The following WWOX variants were observed in gnomAD, a reference collection of about 807,000 sequenced individuals.
The protein encoded by WWOX is WW domain containing oxidoreductase.
In WWOX, 69 loss-of-function variants were observed where a neutral mutation model predicts 46.2. The observed-to-expected ratio is 1.49, with a 90% CI of 1.23 to 1.82. WWOX has a LOEUF of 1.82. Ranked by LOEUF, WWOX falls within the 40% of genes most tolerant of loss-of-function variation. WWOX has a pLI of 0.00. For synonymous variants in WWOX, 359 were observed against 202.6 expected, an observed-to-expected ratio of 1.77 and a Z score of -6.56; for missense variants, 919 against 542.6, an observed-to-expected ratio of 1.69 and a Z score of -6.89.
At chr16:78,137,374 T>C (rs900986329) in intron 4 of WWOX, among the ~76,000 whole-genome samples, 1 of 152,178 alleles carries the variant, frequency 6.6e-6, no homozygotes, top group African/African-American at 2.4e-5. Flanking sequence ...CCCCGGAGTC[T>C]CAGTTTCCTC....
chr16:78,330,884 T>A (rs373303055), intron 5 of WWOX, among the ~76,000 whole-genome samples: 1 of 152,258 alleles, frequency 6.6e-6, no homozygotes, highest in Non-Finnish European at 1.5e-5. Context: ...TGAGATGATA[T>A]GCATGTTCTT....
intron 4 of WWOX, among the ~76,000 whole-genome samples, chr16:78,138,681 A>G (rs1274102390): frequency 6.6e-6 from 1 of 152,206 alleles, no homozygotes; most frequent in Non-Finnish European, 1.5e-5. Flanking sequence ...CCACCCTGAG[A>G]AGTCACCAGG....
intron 8 of WWOX, among the ~76,000 whole-genome samples, chr16:78,862,201 T>TA (rs1491171509): frequency 5.9e-5 from 9 of 151,850 alleles, no homozygotes; most frequent in African/African-American, 2.2e-4. Flanking sequence ...TGTCTGTATC[T>TA]TTACACACCT....
chr16:78,316,631 C>T (rs978864979), intron 5 of WWOX, among the ~76,000 whole-genome samples: 1 of 152,068 alleles, frequency 6.6e-6, no homozygotes. Flanking sequence ...GCCTGAGCCA[C>T]GGTGCCTGGC....
intron 8 of WWOX, among the ~76,000 whole-genome samples, chr16:78,744,683 C>T (rs138332519): frequency 2.6e-5 from 4 of 152,100 alleles, no homozygotes; most frequent in Admixed American, 6.6e-5. Flanking sequence ...CCACCTGCCT[C>T]GGCCTCCCAA....
At chr16:78,988,557 C>G (rs2046825239) in intron 8 of WWOX, among the ~76,000 whole-genome samples, 1 of 151,922 alleles carries the variant, frequency 6.6e-6, no homozygotes, top group Non-Finnish European at 1.5e-5. Context: ...AGGAGAGGTC[C>G]CAGCGGAATA....
intron 8 of WWOX, among the ~76,000 whole-genome samples, chr16:78,704,857 T>C (rs1208006086): frequency 6.6e-6 from 1 of 152,112 alleles, no homozygotes; most frequent in Non-Finnish European, 1.5e-5. Flanking sequence ...GTGGCTTCTT[T>C]TGTGGGCCAC....
intron 8 of WWOX, chr16:78,891,987 T>C (rs984717606): frequency 6.6e-6 from 1 of 152,204 alleles, no homozygotes; most frequent in East Asian, 1.9e-4. Flanking sequence ...TAACCTAGGA[T>C]ATTTAAGCTG....
intron 8 of WWOX, among the ~76,000 whole-genome samples, chr16:78,848,747 C>G (rs1286763517): frequency 6.6e-6 from 1 of 152,022 alleles, no homozygotes; most frequent in Non-Finnish European, 1.5e-5. Context: ...ACCACCAGTT[C>G]TCAATGCCAT....
chr16:78,751,342 A>G (rs1021782453), intron 8 of WWOX, among the ~76,000 whole-genome samples: 1 of 150,460 alleles, frequency 6.6e-6, no homozygotes, highest in Non-Finnish European at 1.5e-5. Context: ...AAGAGTTTTC[A>G]ACCAAAAAAA....
intron 8 of WWOX, among the ~76,000 whole-genome samples, chr16:78,488,867 G>C (rs1030110778): frequency 2.0e-5 from 3 of 152,150 alleles, no homozygotes; most frequent in Admixed American, 6.5e-5. Context: ...CTGTTTCTCA[G>C]AGTAGGCTTT....
intron 8 of WWOX, among the ~76,000 whole-genome samples, chr16:78,841,396 T>C (rs1465759762): frequency 1.3e-5 from 2 of 152,190 alleles, no homozygotes; most frequent in African/African-American, 4.8e-5. Flanking sequence ...GAGAGCAGAT[T>C]TTGCCTGTTT....
In WWOX at chr16:78,900,359, C is replaced by T. The variant is rs539127940; in HGVS notation, c.1057-311249C>T. Among the ~76,000 whole-genome samples, 70 of 152,198 alleles carry T rather than the reference C, an allele frequency of 4.6e-4. 1 individual carries two copies. Among genetic ancestry groups the T allele is most frequent in the African/African-American group, 1.4e-3 (57 of 41,548 alleles). On this transcript the variant is annotated intron_variant, in intron 8 of 8. Coordinates refer to ENST00000566780, the MANE Select transcript of WWOX (RefSeq NM_016373.4). ...AAATGAGCTGTCACTCAAGTATGCA[C>T]GCTCATATTATTAAAAACTGTGCAT...
chr16:78,176,703 G>A (rs978698180), intron 5 of WWOX, among the ~76,000 whole-genome samples: 1 of 152,158 alleles, frequency 6.6e-6, no homozygotes, highest in South Asian at 2.1e-4. Flanking sequence ...GAAAGAATAA[G>A]TTATTACTGA....
chr16:78,872,094 C>G (rs1047376823), intron 8 of WWOX, among the ~76,000 whole-genome samples: 4 of 152,182 alleles, frequency 2.6e-5, no homozygotes, highest in Admixed American at 2.0e-4. Flanking sequence ...ACGTTCATTT[C>G]CACTTCTAAT....
At chr16:78,711,830 C>T (rs528224457) in intron 8 of WWOX, among the ~76,000 whole-genome samples, 11 of 152,230 alleles carry the variant, frequency 7.2e-5, no homozygotes, top group South Asian at 4.1e-4. Context: ...TGTAAATGCA[C>T]GAGTATTGAT....
At chr16:78,592,148 A>G (rs1286550555) in intron 8 of WWOX, among the ~76,000 whole-genome samples, 1 of 152,244 alleles carries the variant, frequency 6.6e-6, no homozygotes, top group African/African-American at 2.4e-5. Context: ...GAAAATAAAG[A>G]ACAGCATGGT....
intron 3 of WWOX, among the ~76,000 whole-genome samples, chr16:78,111,081 G>A (rs552219548): frequency 4.6e-5 from 7 of 152,092 alleles, no homozygotes; most frequent in African/African-American, 1.7e-4. Context: ...ACATTTAGGG[G>A]TCGGGCCAGC....
chr16:78,584,868 G>T (rs897738319), intron 8 of WWOX, among the ~76,000 whole-genome samples: 1 of 152,200 alleles, frequency 6.6e-6, no homozygotes, highest in African/African-American at 2.4e-5. Flanking sequence ...GTGCGTGTAA[G>T]CAATATCTCA....
Sources: gnomAD v4.1 joint callset for allele counts (sites outside exome capture counted in the v4.1 genomes callset) on GRCh38, gnomAD v4.1.1 for gene constraint, MANE v1.5 for transcripts, NCBI Gene and HGNC (gene_info 2026-07-23, HGNC 2026-07-21) for gene names.